Variants in CA5B observed in about 807,000 individuals in gnomAD.
CA5B encodes the protein carbonic anhydrase 5B, also known as carbonic anhydrase 5B, mitochondrial.
In CA5B, 15 loss-of-function variants were observed where a neutral mutation model predicts 23.1. That is an observed-to-expected ratio of 0.65 (90% CI 0.43 to 1.00). CA5B has a LOEUF of 1.00. Among genes scored for constraint, CA5B ranks in the 50% least tolerant of loss-of-function variants. CA5B has a pLI of 0.00. For missense variants in CA5B, 236 were observed against 252.2 expected, an observed-to-expected ratio of 0.94 and a Z score of 0.43; for synonymous variants, 84 against 98.5, an observed-to-expected ratio of 0.85 and a Z score of 0.87.
chrX:15,752,589 G>T (rs960876222), intron 2 of CA5B, among the ~76,000 whole-genome samples: 1 of 111,095 alleles, frequency 9.0e-6, no homozygotes, highest in Non-Finnish European at 1.9e-5. Context: ...GCCAGGCGTG[G>T]TGGTGGGCGC....
chrX:15,780,164 A>T (rs1046789606), intron 7 of CA5B, among the ~76,000 whole-genome samples: 5 of 111,347 alleles, frequency 4.5e-5, no homozygotes, highest in Non-Finnish European at 9.4e-5. Context: ...GTCCAGATGC[A>T]CATAAGTCCT....
intron 3 of CA5B, among the ~76,000 whole-genome samples, chrX:15,765,535 A>C (rs920220809): frequency 9.0e-6 from 1 of 110,735 alleles, no homozygotes; most frequent in African/African-American, 3.3e-5. Flanking sequence ...GATGTCAAAT[A>C]GTCCAAATTA....
intron 4 of CA5B, 105 bp downstream of exon 4, chrX:15,772,719 T>C: frequency 2.3e-6 from 1 of 433,505 alleles, no homozygotes; most frequent in Non-Finnish European, 4.0e-6. Context: ...CTATAAATGC[T>C]AAATAGCTTT....
chrX:15,761,684 C>G (rs917676238), intron 2 of CA5B, among the ~76,000 whole-genome samples: 2 of 111,298 alleles, frequency 1.8e-5, no homozygotes, highest in Non-Finnish European at 3.8e-5. Flanking sequence ...AACTTTGGCA[C>G]TATTGGCTTT....
chrX:15,767,600 G>A (rs1931734626), intron 3 of CA5B, among the ~76,000 whole-genome samples: 1 of 108,311 alleles, frequency 9.2e-6, no homozygotes, highest in African/African-American at 3.4e-5. Context: ...TTTTGTTTTT[G>A]TTTTTAAGAC....
chrX:15,770,237 C>G (rs918788042), intron 3 of CA5B, among the ~76,000 whole-genome samples: 2 of 110,766 alleles, frequency 1.8e-5, no homozygotes, highest in South Asian at 7.7e-4. Flanking sequence ...TCACTTGAAC[C>G]TGGGAGTTGG....
At chrX:15,776,065 G>T in intron 6 of CA5B, 6 of 741,173 alleles carry the variant, frequency 8.1e-6, no homozygotes, top group Non-Finnish European at 9.6e-6. Flanking sequence ...CCAACCGGGC[G>T]CAGTGGCTCA....
At chrX:15,776,192 C>T (rs549167097) in intron 6 of CA5B, 64 of 172,288 alleles carry the variant, frequency 3.7e-4, no homozygotes, top group African/African-American at 1.8e-3. Flanking sequence ...ACAAAAAATT[C>T]GCCGGGCATG....
chrX:15,744,635 T>C (rs763493176), intron 1 of CA5B, among the ~76,000 whole-genome samples: 29 of 111,593 alleles, frequency 2.6e-4, no homozygotes, highest in Non-Finnish European at 5.1e-4. Context: ...AAACCTAAAG[T>C]TCTTCCCATT....
chrX:15,765,527 T>C (rs1931688732), intron 3 of CA5B, among the ~76,000 whole-genome samples: 1 of 110,949 alleles, frequency 9.0e-6, no homozygotes, highest in Non-Finnish European at 1.9e-5. Flanking sequence ...CATTTGATGA[T>C]GTCAAATAGT....
chrX:15,752,550 C>A (rs1016928930), intron 2 of CA5B, among the ~76,000 whole-genome samples: 1 of 108,668 alleles, frequency 9.2e-6, no homozygotes, highest in Non-Finnish European at 1.9e-5. Flanking sequence ...ACGGTGAAAC[C>A]CCGTCTCTAC....
rs186989319 is a variant in CA5B, at chrX:15,744,501, A to G, written c.-53-5470A>G. Among the ~76,000 whole-genome samples, 4 of 112,310 alleles carry G rather than the reference A, an allele frequency of 3.6e-5. No homozygotes were observed. The East Asian group carries it at 1.1e-3, about 32-fold the overall frequency. ...CACACATCCTTTCTGTTGACTTTGCATTGTACTTGCCATCATCTTCCCAAA... is the reference window on the plus strand; with the variant it reads ...CACACATCCTTTCTGTTGACTTTGCGTTGTACTTGCCATCATCTTCCCAAA... On this transcript the variant is annotated intron_variant, in intron 1 of 7. Coordinates refer to ENST00000318636, the MANE Select transcript of CA5B (RefSeq NM_007220.4).
chrX:15,772,504 G>A lies in CA5B; in HGVS notation c.349G>A (p.Gly117Arg), dbSNP rs1233224057. ...EDSTDKSVIK[G>R]GPLEHNYRLK... is the part of the protein sequence containing the mutation. ...TGGATGTGCCATTTTAGTGATCAAG[G>A]GAGGACCCCTGGAACACAACTACCG... The change falls in exon 4 of 8, where the codon GGA becomes AGA. Residue 117 changes from glycine to arginine, a missense_variant. Transcript: ENST00000318636. 1 of 1,193,236 alleles carries A rather than the reference G, an allele frequency of 8.4e-7. No individual in the cohort carries two copies. Among genetic ancestry groups the A allele is most frequent in the East Asian group, 3.0e-5 (1 of 33,724 alleles).
chrX:15,782,074 G>A (rs182854275), intron 7 of CA5B, among the ~76,000 whole-genome samples: 170 of 111,842 alleles, frequency 1.5e-3, no homozygotes, highest in African/African-American at 5.4e-3. Context: ...CACTTTTTTT[G>A]GTGTTGTTAG....
At chrX:15,757,844 G>T (rs888025219) in intron 2 of CA5B, among the ~76,000 whole-genome samples, 1 of 111,562 alleles carries the variant, frequency 9.0e-6, no homozygotes, top group African/African-American at 3.3e-5. Flanking sequence ...TGAGGAAAAT[G>T]AGATTAGATA....
At chrX:15,773,759 G>A (rs111880864) in intron 4 of CA5B, among the ~76,000 whole-genome samples, 1,858 of 110,765 alleles carry the variant, frequency 0.017, 21 homozygotes, top group Admixed American at 0.031. Context: ...TCACTATGTC[G>A]TCCAGGCTGG....
chrX:15,759,656 C>G (rs189005228), intron 2 of CA5B, among the ~76,000 whole-genome samples: 31 of 104,957 alleles, frequency 3.0e-4, no homozygotes, highest in African/African-American at 1.1e-3. Context: ...CTCATATAAA[C>G]AACTAAAATC....
At chrX:15,782,087 T>A (rs952314789) in intron 7 of CA5B, among the ~76,000 whole-genome samples, 1 of 112,633 alleles carries the variant, frequency 8.9e-6, no homozygotes, top group Non-Finnish European at 1.9e-5. Flanking sequence ...GTTGTTAGTA[T>A]ATGCATCAGG....
intron 2 of CA5B, among the ~76,000 whole-genome samples, chrX:15,755,435 A>G (rs1187130742): frequency 8.9e-6 from 1 of 112,093 alleles, no homozygotes; most frequent in Non-Finnish European, 1.9e-5. Context: ...ACCAAGTCAT[A>G]TGGAGGGTCC....
Sources: gnomAD v4.1 joint callset for allele counts (sites outside exome capture counted in the v4.1 genomes callset) on GRCh38, gnomAD v4.1.1 for gene constraint, MANE v1.5 for transcripts, NCBI Gene and HGNC (gene_info 2026-07-23, HGNC 2026-07-21) for gene names.